OXR1: variants seen among roughly 807,000 people sequenced by gnomAD.
OXR1 encodes oxidation resistance protein 1.
In OXR1, 41 loss-of-function variants were observed where a neutral mutation model predicts 104.6. That is an observed-to-expected ratio of 0.39 (90% CI 0.31 to 0.51). OXR1 has a LOEUF of 0.51. Among genes scored for constraint, OXR1 ranks in the 20% least tolerant of loss-of-function variants. The pLI, the probability that OXR1 is intolerant of heterozygous loss-of-function variation, is 0.77. For missense variants in OXR1, 955 were observed against 1,031.9 expected (o/e 0.93, Z 1.02); for synonymous variants, 348 against 348.4 (o/e 1.00, Z 0.01).
intron 3 of OXR1, among the ~76,000 whole-genome samples, chr8:106,576,022 A>AC (rs1563616860): frequency 3.4e-4 from 51 of 150,638 alleles, no homozygotes; most frequent in African/African-American, 8.8e-4. Context: ...ACACACACAC[A>AC]AAACCCTGAA....
chr8:106,713,657 TTTAAG>T (rs1260208137), intron 10 of OXR1, among the ~76,000 whole-genome samples, 161 bp from the exon 11 acceptor site: 1 of 151,968 alleles, frequency 6.6e-6, no homozygotes. Context: ...AAATAAAATG[TTTAAG>T]TTAATGCCTT....
chr8:106,297,962 T>A (rs1813069204), intron 1 of OXR1, among the ~76,000 whole-genome samples: 1 of 152,146 alleles, frequency 6.6e-6, no homozygotes, highest in Non-Finnish European at 1.5e-5. Context: ...GGCAGATACA[T>A]AAACTTTATC....
intron 1 of OXR1, chr8:106,272,248 G>C (rs1450090078): frequency 6.6e-6 from 1 of 152,292 alleles, no homozygotes. Context: ...CCGGCCCGGC[G>C]TTGGGTGAGA....
chr8:106,388,730 C>G (rs981860250), intron 2 of OXR1, among the ~76,000 whole-genome samples: 2 of 152,092 alleles, frequency 1.3e-5, no homozygotes, highest in African/African-American at 4.8e-5. Context: ...CCTTTCAGTT[C>G]TTTAAGTTGA....
chr8:106,493,757 A>G (rs1213343810), intron 2 of OXR1, among the ~76,000 whole-genome samples: 1 of 152,106 alleles, frequency 6.6e-6, no homozygotes, highest in Non-Finnish European at 1.5e-5. Context: ...CTACATTTAT[A>G]TTTATGGTTA....
intron 1 of OXR1, among the ~76,000 whole-genome samples, chr8:106,320,934 A>T (rs1814190685): frequency 6.6e-6 from 1 of 152,178 alleles, no homozygotes; most frequent in Non-Finnish European, 1.5e-5. Context: ...GGCCTCCCAA[A>T]GTGCTGGGAT....
At chr8:106,399,268 G>C (rs1461761151) in intron 2 of OXR1, among the ~76,000 whole-genome samples, 1 of 152,080 alleles carries the variant, frequency 6.6e-6, no homozygotes, top group Non-Finnish European at 1.5e-5. Flanking sequence ...AAAAGGACTT[G>C]GGAAATATAA....
chr8:106,456,232 C>T (rs953707417), intron 2 of OXR1, among the ~76,000 whole-genome samples: 5 of 152,120 alleles, frequency 3.3e-5, no homozygotes, highest in Admixed American at 1.3e-4. Context: ...GGGAACAGAA[C>T]GAAGATACTG....
chr8:106,312,029 T>C (rs1299332178), intron 1 of OXR1, among the ~76,000 whole-genome samples: 3 of 152,060 alleles, frequency 2.0e-5, no homozygotes, highest in Non-Finnish European at 1.5e-5. Flanking sequence ...AGACCTTTTT[T>C]TCACTTGTGT....
At chr8:106,328,651 C>A (rs1024498728) in intron 1 of OXR1, among the ~76,000 whole-genome samples, 9 of 151,990 alleles carry the variant, frequency 5.9e-5, no homozygotes, top group African/African-American at 2.2e-4. Context: ...GAGATGGTGA[C>A]AATTTTGTTT....
At position 106,720,757 on chromosome 8, in the gene OXR1, C is replaced by T. The variant is rs138693810; in HGVS notation, c.1956+6772C>T. Reference sequence around the variant, plus strand: ...ACATACCAGGCTGTAAGTCAATGATCTTTGAACTTTGTCTTCTTCAACTTT... The same window carrying T: ...ACATACCAGGCTGTAAGTCAATGATTTTTGAACTTTGTCTTCTTCAACTTT... On this transcript the variant is annotated intron_variant, in intron 11 of 16. Transcript: ENST00000517566. 4.8e-3 allele frequency: 4,370 copies of T among 915,876 alleles called. 21 individuals are homozygous for T. The highest frequency in any genetic ancestry group is 5.4e-3 in the Non-Finnish European group (4,135 of 766,442). The allele number at this position is 915,876 out of a possible 1,614,324, so 56.7% of individuals were successfully genotyped here. A position where few individuals can be genotyped will look rare whatever the true frequency, so the allele number is the denominator to read the frequency against.
intron 3 of OXR1, among the ~76,000 whole-genome samples, chr8:106,526,593 A>T (rs1813683872): frequency 6.6e-6 from 1 of 152,192 alleles, no homozygotes; most frequent in Admixed American, 6.5e-5. Context: ...CCCAGGCTGG[A>T]GTGCAGTGGC....
intron 2 of OXR1, among the ~76,000 whole-genome samples, chr8:106,436,524 A>AAAC (rs750051025): frequency 1.8e-3 from 139 of 76,192 alleles, no homozygotes; most frequent in African/African-American, 8.0e-3. Flanking sequence ...TGCCTATGCA[A>AAAC]AAAAAAAAAA....
chr8:106,667,391 G>A (rs1298559388), intron 3 of OXR1, among the ~76,000 whole-genome samples: 2 of 152,036 alleles, frequency 1.3e-5, no homozygotes, highest in Admixed American at 6.6e-5. Flanking sequence ...TTCTTTACAA[G>A]TACTTGGGGC....
At chr8:106,605,747 C>T (rs1056519056) in intron 3 of OXR1, among the ~76,000 whole-genome samples, 2 of 151,622 alleles carry the variant, frequency 1.3e-5, no homozygotes, top group East Asian at 3.9e-4. Context: ...TGCAGTGAGC[C>T]GAGATGGTGC....
At chr8:106,591,932 A>C (rs1022988279) in intron 3 of OXR1, among the ~76,000 whole-genome samples, 1 of 152,232 alleles carries the variant, frequency 6.6e-6, no homozygotes, top group African/African-American at 2.4e-5. Flanking sequence ...ACCTGGCGTG[A>C]GAGCTGCAGC....
At chr8:106,540,391 C>T (rs1356142715) in intron 3 of OXR1, among the ~76,000 whole-genome samples, 1 of 152,182 alleles carries the variant, frequency 6.6e-6, no homozygotes, top group African/African-American at 2.4e-5. Flanking sequence ...TTCTAGACAA[C>T]TCTGTCCTAG....
At chr8:106,523,030 A>G (rs973616648) in intron 3 of OXR1, among the ~76,000 whole-genome samples, 5 of 152,056 alleles carry the variant, frequency 3.3e-5, no homozygotes, top group Admixed American at 6.6e-5. Flanking sequence ...GCTCATTCTT[A>G]TTGTTGGCAG....
At position 106,718,731 on chromosome 8, in the gene OXR1, C is replaced by T. The variant is rs569555347; in HGVS notation, c.1956+4746C>T. ...GCGGGCGCTTCTTGTTGTAGCTACT[C>T]GGGAGGCTGAGGCAGGAGAATGGCG... On this transcript the variant is annotated intron_variant, in intron 11 of 16. Transcript: ENST00000517566. Among the ~76,000 whole-genome samples the T allele has an allele frequency of 4.0e-5, 6 of 151,080 alleles. No homozygotes were observed. The East Asian group carries it at 9.9e-4, about 25-fold the overall frequency.
Sources: gnomAD v4.1 joint callset for allele counts (sites outside exome capture counted in the v4.1 genomes callset) on GRCh38, gnomAD v4.1.1 for gene constraint, MANE v1.5 for transcripts, NCBI Gene and HGNC (gene_info 2026-07-23, HGNC 2026-07-21) for gene names.